The following FHIT variants were observed in gnomAD, a reference collection of about 807,000 sequenced individuals.
FHIT encodes bis(5'-adenosyl)-triphosphatase.
A neutral mutation model predicts 17.9 loss-of-function variants in FHIT; 19 were observed. That is an observed-to-expected ratio of 1.06 (90% CI 0.74 to 1.56). The LOEUF (loss-of-function observed/expected upper bound fraction) is 1.56. Among genes scored for constraint, FHIT ranks in the 40% most tolerant of loss-of-function variants. The probability of loss-of-function intolerance (pLI) is 0.00; values close to 1 mark genes in which losing one functional copy is unlikely to be tolerated. For missense variants in FHIT, 248 were observed against 189.2 expected, an observed-to-expected ratio of 1.31 and a Z score of -1.82; for synonymous variants, 81 against 69.7, an observed-to-expected ratio of 1.16 and a Z score of -0.81.
At chr3:60,262,514 T>A (rs1706355796) in intron 5 of FHIT, among the ~76,000 whole-genome samples, 1 of 152,000 alleles carries the variant, frequency 6.6e-6, no homozygotes, top group Non-Finnish European at 1.5e-5. Flanking sequence ...CCCAAATGAC[T>A]TAGATATGAC....
chr3:60,054,230 A>G (rs1201729388), intron 5 of FHIT, among the ~76,000 whole-genome samples: 2 of 152,206 alleles, frequency 1.3e-5, no homozygotes, highest in African/African-American at 4.8e-5. Context: ...CAATTACTGG[A>G]AAGAAATAAG....
At chr3:60,795,615 A>C (rs1387824254) in intron 4 of FHIT, among the ~76,000 whole-genome samples, 1 of 151,882 alleles carries the variant, frequency 6.6e-6, no homozygotes, top group Non-Finnish European at 1.5e-5. Context: ...CCTGGGCTCA[A>C]GTGATCCTCC....
intron 3 of FHIT, among the ~76,000 whole-genome samples, chr3:60,962,666 T>A (rs1709517312): frequency 1.3e-5 from 2 of 152,204 alleles, no homozygotes; most frequent in Admixed American, 1.3e-4. Context: ...TCAAAGGCCT[T>A]TTCTGCATCT....
intron 5 of FHIT, among the ~76,000 whole-genome samples, chr3:60,207,683 A>G (rs938387705): frequency 6.6e-6 from 1 of 152,180 alleles, no homozygotes; most frequent in Non-Finnish European, 1.5e-5. Context: ...TTAAAAAGTC[A>G]GAAACCTATA....
At chr3:61,192,713 A>G (rs550655802) in intron 2 of FHIT, among the ~76,000 whole-genome samples, 2 of 152,272 alleles carry the variant, frequency 1.3e-5, no homozygotes, top group South Asian at 4.1e-4. Flanking sequence ...TGATGCAGAG[A>G]TTCATAATTC....
Position 60,307,588 on chromosome 3 carries a change from G to GTA in FHIT, c.103+229270_103+229271dup, listed in dbSNP as rs139583607. ...CACCTGCTACAAATATCATGGATCT[G>GTA]TATATCCTTGATGTCTCACAGGTCA... On this transcript the variant is annotated intron_variant, in intron 5 of 9. Transcript: ENST00000492590. 8.2e-3 allele frequency among the ~76,000 whole-genome samples: 1,249 copies of GTA among 152,256 alleles called. 14 individuals are homozygous for GTA. The highest frequency in any genetic ancestry group is 0.028 in the African/African-American group (1,158 of 41,546).
At chr3:59,905,311 T>C (rs537602343) in intron 8 of FHIT, among the ~76,000 whole-genome samples, 2 of 152,308 alleles carry the variant, frequency 1.3e-5, no homozygotes, top group South Asian at 2.1e-4. Context: ...ACTTCAAGAA[T>C]AAACTGGAGA....
intron 8 of FHIT, among the ~76,000 whole-genome samples, chr3:59,845,472 T>G (rs1431022898): frequency 6.6e-6 from 1 of 152,138 alleles, no homozygotes; most frequent in African/African-American, 2.4e-5. Context: ...ATATGTTGTG[T>G]TTTTGTTTTC....
chr3:60,932,707 T>A (rs536300263), intron 3 of FHIT, among the ~76,000 whole-genome samples: 1 of 152,202 alleles, frequency 6.6e-6, no homozygotes, highest in Non-Finnish European at 1.5e-5. Context: ...CACCATCTTT[T>A]TTGGTTCCCT....
At chr3:59,877,449 C>T (rs1703213326) in intron 8 of FHIT, among the ~76,000 whole-genome samples, 1 of 152,084 alleles carries the variant, frequency 6.6e-6, no homozygotes, top group Non-Finnish European at 1.5e-5. Context: ...TGGCTGCAAG[C>T]AGCAAGAGAT....
chr3:60,454,148 C>G (rs1280019110), intron 5 of FHIT, among the ~76,000 whole-genome samples: 1 of 152,142 alleles, frequency 6.6e-6, no homozygotes, highest in Non-Finnish European at 1.5e-5. Context: ...TAGGAATACT[C>G]ATTTGTTACA....
chr3:60,457,164 T>C (rs1000719502), intron 5 of FHIT, among the ~76,000 whole-genome samples: 4 of 152,032 alleles, frequency 2.6e-5, no homozygotes, highest in Admixed American at 2.6e-4. Context: ...GGCATCACAC[T>C]ACCTGACTTC....
chr3:59,889,542 C>A (rs544769743), intron 8 of FHIT, among the ~76,000 whole-genome samples: 29 of 152,334 alleles, frequency 1.9e-4, no homozygotes, highest in Non-Finnish European at 4.0e-4. Flanking sequence ...AAGTGATTTG[C>A]ATTCTTGAGA....
intron 5 of FHIT, among the ~76,000 whole-genome samples, chr3:60,420,357 T>C (rs1446537579): frequency 6.6e-6 from 1 of 152,182 alleles, no homozygotes; most frequent in Non-Finnish European, 1.5e-5. Flanking sequence ...AAATTCTTTG[T>C]TTTCATTTTT....
chr3:59,964,145 T>G (rs1280877816), intron 7 of FHIT, among the ~76,000 whole-genome samples: 1 of 152,222 alleles, frequency 6.6e-6, no homozygotes, highest in African/African-American at 2.4e-5. Flanking sequence ...TTAATAACTT[T>G]AAATTTTTGG....
At chr3:60,503,712 A>C (rs934813784) in intron 5 of FHIT, among the ~76,000 whole-genome samples, 1 of 152,178 alleles carries the variant, frequency 6.6e-6, no homozygotes, top group Non-Finnish European at 1.5e-5. Context: ...AATAAGAAAA[A>C]ACTTACGGTA....
chr3:61,059,707 G>A (rs767743786), intron 2 of FHIT, among the ~76,000 whole-genome samples: 2 of 152,136 alleles, frequency 1.3e-5, no homozygotes, highest in African/African-American at 2.4e-5. Flanking sequence ...TCAAGGGCAG[G>A]GAACAACCTG....
At chr3:60,265,735 T>C (rs887518750) in intron 5 of FHIT, among the ~76,000 whole-genome samples, 3 of 151,828 alleles carry the variant, frequency 2.0e-5, no homozygotes, top group African/African-American at 4.8e-5. Context: ...CAATAATAAA[T>C]AGATGATTCA....
At chr3:60,885,162 T>C (rs1253781940) in intron 3 of FHIT, among the ~76,000 whole-genome samples, 1 of 152,102 alleles carries the variant, frequency 6.6e-6, no homozygotes, top group African/African-American at 2.4e-5. Context: ...TAACAATAAT[T>C]TGTTACATAT....
Sources: allele counts gnomAD v4.1 joint callset (sites outside exome capture counted in the v4.1 genomes callset), GRCh38; gene constraint gnomAD v4.1.1; transcripts MANE v1.5; gene names NCBI Gene and HGNC (gene_info 2026-07-23, HGNC 2026-07-21).